The following RYR3 variants were observed in gnomAD, a reference collection of about 807,000 sequenced individuals.
RYR3 encodes the protein brain ryanodine receptor-calcium release channel.
Under a neutral mutation model 584.3 loss-of-function variants are expected in RYR3, and 207 were observed. The observed-to-expected ratio is 0.35, with a 90% CI of 0.32 to 0.40. RYR3 has a LOEUF of 0.40. Among genes scored for constraint, RYR3 ranks in the 10% least tolerant of loss-of-function variants. The probability of loss-of-function intolerance (pLI) is 1.00; values close to 1 mark genes in which losing one functional copy is unlikely to be tolerated. For synonymous variants in RYR3, 2,416 were observed against 2,248.5 expected (o/e 1.07, Z -2.11); for missense variants, 5,616 against 6,089.2 (o/e 0.92, Z 2.59).
At position 33,725,976 on chromosome 15, in the gene RYR3, C is replaced by CCCGCCAA. The variant is rs1555427643; in HGVS notation, c.6913-410_6913-409insCCGCCAA. Among the ~76,000 whole-genome samples the CCCGCCAA allele has an allele frequency of 3.5e-4, 11 of 31,516 alleles. 2 individuals carry two copies. Among genetic ancestry groups the CCCGCCAA allele is most frequent in the Admixed American group, 2.1e-3 (3 of 1,446 alleles). 20.7% of individuals were successfully genotyped at this position (31,516 alleles called of 152,430 possible). ...CAGAGCAAGACTCCATCCCCCCCCC[C>CCCGCCAA]AAAAAAAAAAAAAAAAAAAAACAGA... On this transcript the variant is annotated intron_variant, in intron 45 of 103. Transcript: ENST00000634891.
chr15:33,854,372 C>T lies in RYR3; in HGVS notation c.13800-17C>T, dbSNP rs2079423986. On this transcript the variant is annotated splice_polypyrimidine_tract_variant and intron_variant, in intron 96 of 103. Coordinates refer to ENST00000634891, the MANE Select transcript of RYR3 (RefSeq NM_001036.6). Reference sequence around the variant, plus strand: ...TCTTGACATTTATAAGTTTTAAAATCACTTGTTCTTCTCTAGGCTAAGTTC... The same window carrying T: ...TCTTGACATTTATAAGTTTTAAAATTACTTGTTCTTCTCTAGGCTAAGTTC... The T allele has an allele frequency of 1.3e-6, 2 of 1,552,364 alleles. No homozygotes were observed.
At chr15:33,556,232 T>C (rs1201744903) in intron 10 of RYR3, among the ~76,000 whole-genome samples, 1 of 152,224 alleles carries the variant, frequency 6.6e-6, no homozygotes, top group Non-Finnish European at 1.5e-5. Context: ...CTCTAATTAA[T>C]AAGCATCAAT....
intron 3 of RYR3, among the ~76,000 whole-genome samples, chr15:33,508,425 G>A (rs1488195343): frequency 3.9e-5 from 6 of 152,050 alleles, no homozygotes; most frequent in South Asian, 2.1e-4. Flanking sequence ...TGAGGCGGGC[G>A]GATCACAAGG....
At chr15:33,661,377 G>C (rs2063152024) in intron 34 of RYR3, among the ~76,000 whole-genome samples, 1 of 152,204 alleles carries the variant, frequency 6.6e-6, no homozygotes, top group Non-Finnish European at 1.5e-5. Context: ...AGAGTGCAGA[G>C]TATGTTTGTG....
chr15:33,404,587 G>GTT (rs1314769832), intron 1 of RYR3, among the ~76,000 whole-genome samples: 2,113 of 130,874 alleles, frequency 0.016, 54 homozygotes, highest in African/African-American at 0.067. Flanking sequence ...TTACTACTGT[G>GTT]TGTTTTTTTT....
intron 67 of RYR3, among the ~76,000 whole-genome samples, chr15:33,795,088 G>T (rs529904799): frequency 6.6e-6 from 1 of 152,196 alleles, no homozygotes; most frequent in South Asian, 2.1e-4. Flanking sequence ...CCCTCTTGTG[G>T]CAGCTCTTTA....
chr15:33,733,746 G>A (rs1051546194), intron 48 of RYR3, among the ~76,000 whole-genome samples: 7 of 152,118 alleles, frequency 4.6e-5, no homozygotes, highest in Non-Finnish European at 8.8e-5. Flanking sequence ...GGGTGATAAC[G>A]ATGTTTCAAT....
chr15:33,849,452 T>C (rs1250996239), intron 94 of RYR3: 2 of 149,108 alleles, frequency 1.3e-5, no homozygotes, highest in Non-Finnish European at 2.9e-5. Context: ...GATTAATGAA[T>C]GTATGTGTCA....
chr15:33,725,154 T>TACACACACACACACACAC (rs58951939), intron 45 of RYR3, among the ~76,000 whole-genome samples: 2 of 113,846 alleles, frequency 1.8e-5, no homozygotes, highest in African/African-American at 6.7e-5. Context: ...TCCAACACCT[T>TACACACACACACACACAC]ACACACACAC....
intron 21 of RYR3, among the ~76,000 whole-genome samples, chr15:33,629,267 G>A (rs1486311715): frequency 6.6e-6 from 1 of 152,200 alleles, no homozygotes; most frequent in Non-Finnish European, 1.5e-5. Context: ...ATGTCTAGAA[G>A]TGTACTGTCT....
intron 58 of RYR3, among the ~76,000 whole-genome samples, 199 bp downstream of exon 58, chr15:33,755,379 G>A (rs2152857874): frequency 6.6e-6 from 1 of 152,236 alleles, no homozygotes; most frequent in Non-Finnish European, 1.5e-5. Context: ...CCAGCACTTT[G>A]GGAGGCCGAG....
intron 2 of RYR3, among the ~76,000 whole-genome samples, chr15:33,479,738 G>A (rs575517550): frequency 6.6e-6 from 1 of 152,224 alleles, no homozygotes; most frequent in South Asian, 2.1e-4. Context: ...GCTTACATAA[G>A]GGTAAAGAAG....
rs1041557954 is a variant in RYR3 at position 33,724,688 on chromosome 15, T to C, written c.6912+512T>C. On this transcript the variant is annotated intron_variant, in intron 45 of 103. Coordinates refer to ENST00000634891, the MANE Select transcript of RYR3 (RefSeq NM_001036.6). ...AGACTTCTAGTTTTGAACTAGAAAG[T>C]ATGTTCTTTTCTTTTTTCACCTCTA... Among the ~76,000 whole-genome samples, 6 of 152,324 alleles carry C rather than the reference T, an allele frequency of 3.9e-5. No homozygotes were observed. The South Asian group carries it at 1.2e-3, about 32-fold the overall frequency.
At chr15:33,425,779 C>G (rs947901529) in intron 1 of RYR3, among the ~76,000 whole-genome samples, 2 of 151,482 alleles carry the variant, frequency 1.3e-5, no homozygotes, top group South Asian at 2.1e-4. Flanking sequence ...GTAGCTGGGA[C>G]TACAGGCGCC....
intron 1 of RYR3, among the ~76,000 whole-genome samples, chr15:33,419,824 G>A (rs2044104477): frequency 6.6e-6 from 1 of 152,174 alleles, no homozygotes; most frequent in South Asian, 2.1e-4. Flanking sequence ...ATCAGTGAGG[G>A]CGCTGGTGTT....
chr15:33,477,266 G>GA (rs2049464870), intron 2 of RYR3, among the ~76,000 whole-genome samples: 3 of 152,008 alleles, frequency 2.0e-5, no homozygotes, highest in Admixed American at 6.5e-5. Context: ...AGACCTCAGA[G>GA]AAAAAAAGAG....
intron 1 of RYR3, among the ~76,000 whole-genome samples, chr15:33,403,243 ATT>A (rs1185755665): frequency 2.2e-5 from 3 of 134,448 alleles, no homozygotes; most frequent in Admixed American, 1.4e-4. Flanking sequence ...TAGGTAGAAA[ATT>A]AAGGCAATGT....
intron 102 of RYR3, among the ~76,000 whole-genome samples, chr15:33,863,558 C>T (rs1437816190): frequency 6.6e-6 from 1 of 152,138 alleles, no homozygotes; most frequent in Non-Finnish European, 1.5e-5. Flanking sequence ...AGCCCCTGCC[C>T]CCTGGGATAC....
At chr15:33,408,886 G>T (rs531443961) in intron 1 of RYR3, among the ~76,000 whole-genome samples, 1 of 152,212 alleles carries the variant, frequency 6.6e-6, no homozygotes, top group East Asian at 1.9e-4. Context: ...AAAACAAATG[G>T]ATCTTTAATA....
Sources: allele counts gnomAD v4.1 joint callset (sites outside exome capture counted in the v4.1 genomes callset), GRCh38; gene constraint gnomAD v4.1.1; transcripts MANE v1.5; gene names NCBI Gene and HGNC (gene_info 2026-07-23, HGNC 2026-07-21).